UNC13C: variants seen among roughly 807,000 people sequenced by gnomAD.
The protein encoded by UNC13C is unc-13 homolog C, also known as protein unc-13 homolog C.
UNC13C carries 174 observed loss-of-function variants against 245.4 expected under a neutral mutation model. That is an observed-to-expected ratio of 0.71 (90% CI 0.63 to 0.80). UNC13C has a LOEUF of 0.80. UNC13C is among the 30% of genes least tolerant of loss of function. The pLI is 0.00. For synonymous variants in UNC13C, 992 were observed against 895.1 expected, an observed-to-expected ratio of 1.11 and a Z score of -1.93; for missense variants, 2,829 against 2,602.9, an observed-to-expected ratio of 1.09 and a Z score of -1.89.
chr15:54,446,335 T>G (rs1890812573), intron 19 of UNC13C, among the ~76,000 whole-genome samples: 1 of 152,224 alleles, frequency 6.6e-6, no homozygotes, highest in South Asian at 2.1e-4. Context: ...GTGAAGAAAG[T>G]CATTGGTACC....
intron 2 of UNC13C, among the ~76,000 whole-genome samples, chr15:54,087,054 A>G (rs1461332143): frequency 6.6e-6 from 1 of 151,946 alleles, no homozygotes; most frequent in Non-Finnish European, 1.5e-5. Flanking sequence ...TTTCCACCTC[A>G]GTACTTGTCA....
chr15:54,016,323 A>G (rs951593788), intron 2 of UNC13C, among the ~76,000 whole-genome samples: 4 of 152,206 alleles, frequency 2.6e-5, no homozygotes, highest in South Asian at 2.1e-4. Flanking sequence ...ATGTGAAAAG[A>G]TGGACTCTGA....
chr15:54,375,920 T>G (rs1180192248), intron 17 of UNC13C, among the ~76,000 whole-genome samples: 1 of 152,210 alleles, frequency 6.6e-6, no homozygotes, highest in Non-Finnish European at 1.5e-5. Context: ...TTGTAGCAAT[T>G]TGTTACACAG....
rs147604616 is a variant in UNC13C, at chr15:54,278,853, A to G, written c.3818+13357A>G. ...AATCGCTTTCATCAGAATGATTTCTATGTGAACCATCAGTCTTACCTCTTT... is the reference window on the plus strand; with the variant it reads ...AATCGCTTTCATCAGAATGATTTCTGTGTGAACCATCAGTCTTACCTCTTT... On this transcript the variant is annotated intron_variant, in intron 10 of 32. Coordinates refer to ENST00000260323, the MANE Select transcript of UNC13C (RefSeq NM_001080534.3). 9.2e-5 allele frequency among the ~76,000 whole-genome samples: 14 copies of G among 152,292 alleles called. No individual in the cohort carries two copies. In the East Asian group the frequency reaches 2.3e-3, roughly 25 times the overall value.
At chr15:54,009,692 A>G (rs942669504) in intron 1 of UNC13C, among the ~76,000 whole-genome samples, 9 of 152,180 alleles carry the variant, frequency 5.9e-5, no homozygotes, top group African/African-American at 1.2e-4. Context: ...GACTACAGGC[A>G]TGTACCACCA....
the UNC13C span, among the ~76,000 whole-genome samples, chr15:53,857,560 C>A: frequency 1.3e-5 from 2 of 152,124 alleles, no homozygotes; most frequent in Non-Finnish European, 2.9e-5. Context: ...AGGAACAGAG[C>A]TTTAGCAAAT....
At chr15:54,402,646 A>G (rs957982216) in intron 18 of UNC13C, among the ~76,000 whole-genome samples, 2 of 152,142 alleles carry the variant, frequency 1.3e-5, no homozygotes, top group Admixed American at 6.5e-5. Context: ...TTAATCCTAA[A>G]TTTATTCTAA....
intron 18 of UNC13C, among the ~76,000 whole-genome samples, chr15:54,410,626 C>A (rs1020446029): frequency 6.6e-6 from 1 of 151,848 alleles, no homozygotes; most frequent in African/African-American, 2.4e-5. Flanking sequence ...GAGTCGTTTC[C>A]CCATTGCTTT....
intron 23 of UNC13C, among the ~76,000 whole-genome samples, chr15:54,508,905 C>A (rs899641374): frequency 1.3e-5 from 2 of 152,004 alleles, no homozygotes; most frequent in Non-Finnish European, 2.9e-5. Flanking sequence ...ATTTAAGATA[C>A]GACCATAATA....
At chr15:54,136,623 C>G (rs2031746786) in intron 2 of UNC13C, among the ~76,000 whole-genome samples, 1 of 151,994 alleles carries the variant, frequency 6.6e-6, no homozygotes, top group Non-Finnish European at 1.5e-5. Context: ...TGTCTTGTTT[C>G]TGATCTTAGG....
intron 19 of UNC13C, among the ~76,000 whole-genome samples, chr15:54,418,692 C>T (rs1437284663): frequency 6.6e-6 from 1 of 152,066 alleles, no homozygotes; most frequent in Non-Finnish European, 1.5e-5. Flanking sequence ...ATCCTGCATA[C>T]ACTGATGAGC....
rs1896776422 is a variant in UNC13C, at chr15:54,040,768, G to A, written c.2983+24882G>A. Among the ~76,000 whole-genome samples the A allele has an allele frequency of 2.6e-5, 4 of 152,248 alleles. No individual in the cohort carries two copies. The South Asian group carries it at 8.3e-4, about 32-fold the overall frequency. On this transcript the variant is annotated intron_variant, in intron 2 of 32. Coordinates refer to ENST00000260323, the MANE Select transcript of UNC13C (RefSeq NM_001080534.3). ...AGGTGAGCACCCAGAATATGCCTAT[G>A]GTACTAACAGTGTCTGCAACTGAGC...
In UNC13C at chr15:54,552,729, T is replaced by G. The variant is rs1266994440; in HGVS notation, c.5878-2703T>G. On this transcript the variant is annotated intron_variant, in intron 28 of 32. Transcript: ENST00000260323. ...TAATTATATTATATTGTACAATATA[T>G]AATATAATATATATTATATAGTACA... Among the ~76,000 whole-genome samples the G allele has an allele frequency of 9.7e-4, 84 of 86,436 alleles. No individual in the cohort carries two copies. The East Asian group carries it at 0.024, about 25-fold the overall frequency. 56.7% of individuals were successfully genotyped at this position (86,436 alleles called of 152,430 possible).
intron 2 of UNC13C, among the ~76,000 whole-genome samples, chr15:54,061,700 G>A (rs537857575): frequency 1.3e-5 from 2 of 152,238 alleles, no homozygotes; most frequent in South Asian, 4.1e-4. Flanking sequence ...AGTAGAAGGA[G>A]GGCTCTCATT....
At chr15:54,358,427 A>G (rs1185847195) in intron 17 of UNC13C, among the ~76,000 whole-genome samples, 1 of 152,060 alleles carries the variant, frequency 6.6e-6, no homozygotes, top group Non-Finnish European at 1.5e-5. Flanking sequence ...ATTTAATATT[A>G]ATTCTTCCAA....
At chr15:54,602,373 A>C (rs1899486339) in intron 30 of UNC13C, among the ~76,000 whole-genome samples, 1 of 152,178 alleles carries the variant, frequency 6.6e-6, no homozygotes, top group Non-Finnish European at 1.5e-5. Flanking sequence ...TAGGAAGAAA[A>C]TCCTCTCTCA....
the UNC13C span, among the ~76,000 whole-genome samples, chr15:53,894,315 C>T: frequency 6.6e-6 from 1 of 152,212 alleles, no homozygotes; most frequent in Non-Finnish European, 1.5e-5. Flanking sequence ...GTATTTATTT[C>T]TTAATGGCTT....
intron 17 of UNC13C, among the ~76,000 whole-genome samples, chr15:54,341,842 GGTGGGCACCTGTA>G (rs1474349264): frequency 1.3e-5 from 2 of 152,038 alleles, no homozygotes; most frequent in African/African-American, 4.8e-5. Flanking sequence ...CAGGAGTGGT[GGTGGGCACCTGTA>G]GTCCCAACTA....
chr15:54,015,262 C>G lies in UNC13C; in HGVS notation c.2359C>G (p.Leu787Val), dbSNP rs377174697. 6.2e-7 allele frequency: 1 copy of G among 1,613,460 alleles called. No individual in the cohort carries two copies. The highest frequency in any genetic ancestry group is 8.5e-7 in the Non-Finnish European group (1 of 1,179,744). ...ATGGCATAGTCGATTAAGCATTGAC[C>G]TTTCTGATAAGACTTTCAGCTTCCC... ...KSWHSRLSIDLSDKTFSFPKF... is the reference protein window; with the variant it reads ...KSWHSRLSIDVSDKTFSFPKF... Residue 787 changes from leucine (L) to valine (V), a missense_variant, in exon 2 of 33, where the codon CTT (leucine) becomes GTT (valine). By Grantham distance (32) the Leu-to-Val change is conservative. Coordinates refer to ENST00000260323, the MANE Select transcript of UNC13C (RefSeq NM_001080534.3).
Sources: allele counts gnomAD v4.1 joint callset (sites outside exome capture counted in the v4.1 genomes callset), GRCh38; gene constraint gnomAD v4.1.1; transcripts MANE v1.5; gene names NCBI Gene and HGNC (gene_info 2026-07-23, HGNC 2026-07-21).